SH3BGRL: variants seen among roughly 807,000 people sequenced by gnomAD.
SH3BGRL encodes SH3 domain binding glutamate rich protein like.
Under a neutral mutation model 9.8 loss-of-function variants are expected in SH3BGRL, and 7 were observed. The ratio of observed to expected loss-of-function variants is 0.72; its 90% CI spans 0.41 to 1.35. SH3BGRL has a LOEUF of 1.35. Ranked by LOEUF, SH3BGRL falls within the 40% of genes most tolerant of loss-of-function variation. The pLI is 0.01. For synonymous variants in SH3BGRL, 36 were observed against 29.1 expected, an observed-to-expected ratio of 1.24 and a Z score of -0.76; for missense variants, 73 against 84.4, an observed-to-expected ratio of 0.86 and a Z score of 0.53.
At chrX:81,239,522 A>C (rs1648411588) in intron 1 of SH3BGRL, among the ~76,000 whole-genome samples, 2 of 111,836 alleles carry the variant, frequency 1.8e-5, no homozygotes, top group African/African-American at 6.5e-5. Flanking sequence ...CGCATACAGA[A>C]TCTAAAAAAT....
chrX:81,246,032 T>C (rs1417277504), intron 1 of SH3BGRL, among the ~76,000 whole-genome samples: 2 of 111,688 alleles, frequency 1.8e-5, no homozygotes, highest in Non-Finnish European at 3.8e-5. Context: ...TGGTATCTCA[T>C]TGTGGTTTTG....
At chrX:81,241,803 G>A (rs1424809530) in intron 1 of SH3BGRL, among the ~76,000 whole-genome samples, 3 of 112,220 alleles carry the variant, frequency 2.7e-5, no homozygotes, top group Admixed American at 1.9e-4. Context: ...CGTTCCTCTC[G>A]TCCAGACACA....
intron 1 of SH3BGRL, among the ~76,000 whole-genome samples, chrX:81,207,402 C>T (rs1385995654): frequency 8.9e-6 from 1 of 112,216 alleles, no homozygotes; most frequent in Non-Finnish European, 1.9e-5. Context: ...GTACTCTGCA[C>T]AATTTATAAC....
intron 1 of SH3BGRL, among the ~76,000 whole-genome samples, chrX:81,208,267 A>G (rs1407100390): frequency 9.0e-6 from 1 of 111,551 alleles, no homozygotes; most frequent in Non-Finnish European, 1.9e-5. Flanking sequence ...GTCTCAAAAA[A>G]AAAAATCATT....
intron 1 of SH3BGRL, among the ~76,000 whole-genome samples, chrX:81,242,598 G>T (rs927908594): frequency 2.7e-5 from 3 of 111,600 alleles, no homozygotes; most frequent in African/African-American, 9.8e-5. Context: ...TAAAGCTTCT[G>T]CACAGCAAGG....
At chrX:81,211,701 A>T (rs1005746660) in intron 1 of SH3BGRL, among the ~76,000 whole-genome samples, 7 of 111,214 alleles carry the variant, frequency 6.3e-5, no homozygotes, top group Non-Finnish European at 1.1e-4. Context: ...AAAAAGAGAG[A>T]CAGGCCTAGC....
chrX:81,237,165 C>A, intron 1 of SH3BGRL: 1 of 540,210 alleles, frequency 1.9e-6, no homozygotes, highest in East Asian at 8.8e-5. Context: ...ACCAATCATC[C>A]CCTTCACACG....
intron 1 of SH3BGRL, among the ~76,000 whole-genome samples, chrX:81,231,533 A>G (rs2075632953): frequency 8.9e-6 from 1 of 112,508 alleles, no homozygotes; most frequent in East Asian, 2.8e-4. Flanking sequence ...GATCTAAAGA[A>G]TGTAGTAAAC....
chrX:81,234,411 G>A (rs773709849), intron 1 of SH3BGRL, among the ~76,000 whole-genome samples: 1 of 111,681 alleles, frequency 9.0e-6, no homozygotes, highest in Non-Finnish European at 1.9e-5. Context: ...GCAGCTTTTC[G>A]TTTTTAAGGT....
intron 3 of SH3BGRL, among the ~76,000 whole-genome samples, chrX:81,279,111 G>C (rs7051140): frequency 1.3e-3 from 150 of 112,041 alleles, no homozygotes; most frequent in African/African-American, 4.9e-3. Flanking sequence ...CTAATTGTAT[G>C]TTAGACAGAT....
At chrX:81,261,149 C>A (rs1357679355) in intron 1 of SH3BGRL, among the ~76,000 whole-genome samples, 4 of 111,360 alleles carry the variant, frequency 3.6e-5, no homozygotes, top group African/African-American at 1.3e-4. Context: ...AGTAGTGGAA[C>A]AAACTTAAGA....
chrX:81,202,385 TC>T, intron 1 of SH3BGRL, 140 bp downstream of exon 1: 1 of 986,538 alleles, frequency 1.0e-6, no homozygotes, highest in East Asian at 4.2e-5. Context: ...CCCTTCTTCT[TC>T]CCTTTTTTCC....
chrX:81,296,634 A>C (rs1447087441), intron 3 of SH3BGRL, among the ~76,000 whole-genome samples: 1 of 111,490 alleles, frequency 9.0e-6, no homozygotes, highest in African/African-American at 3.3e-5. Context: ...CTTGCCACTC[A>C]TCTTTAGTTC....
intron 1 of SH3BGRL, among the ~76,000 whole-genome samples, chrX:81,204,052 C>G (rs1259542350): frequency 9.0e-6 from 1 of 111,607 alleles, no homozygotes; most frequent in Non-Finnish European, 1.9e-5. Flanking sequence ...CCTCCCTCCT[C>G]TGTAGTCTTC....
At chrX:81,296,441 A>G (rs901876489) in intron 3 of SH3BGRL, among the ~76,000 whole-genome samples, 5 of 111,503 alleles carry the variant, frequency 4.5e-5, no homozygotes, top group African/African-American at 1.6e-4. Flanking sequence ...TTTTTGGGTA[A>G]AAATCTAGTG....
intron 1 of SH3BGRL, among the ~76,000 whole-genome samples, chrX:81,224,465 AT>A (rs201298051): frequency 3.4e-4 from 37 of 109,601 alleles, no homozygotes; most frequent in Non-Finnish European, 5.9e-4. Context: ...GAAAGAAAGG[AT>A]TTTTTTTTCA....
At chrX:81,227,594 A>G (rs2075621226) in intron 1 of SH3BGRL, among the ~76,000 whole-genome samples, 1 of 111,971 alleles carries the variant, frequency 8.9e-6, no homozygotes, top group Non-Finnish European at 1.9e-5. Flanking sequence ...TTATGTTTTT[A>G]CATTTGCTTT....
intron 1 of SH3BGRL, among the ~76,000 whole-genome samples, chrX:81,250,013 G>T (rs1157614523): frequency 9.1e-6 from 1 of 109,815 alleles, no homozygotes; most frequent in African/African-American, 3.3e-5. Context: ...TTAATATAAT[G>T]AAGGTTTTAA....
At chrX:81,215,000 G>A (rs139278586) in intron 1 of SH3BGRL, among the ~76,000 whole-genome samples, 9 of 111,150 alleles carry the variant, frequency 8.1e-5, no homozygotes, top group African/African-American at 2.9e-4. Flanking sequence ...AAGAGTATAC[G>A]GTTAGAAAAT....
Sources: allele counts gnomAD v4.1 joint callset (sites outside exome capture counted in the v4.1 genomes callset), GRCh38; gene constraint gnomAD v4.1.1; transcripts MANE v1.5; gene names NCBI Gene and HGNC (gene_info 2026-07-23, HGNC 2026-07-21).